The following NMNAT3 variants were observed in gnomAD, a reference collection of about 807,000 sequenced individuals.
The protein encoded by NMNAT3 is nicotinamide/nicotinic acid mononucleotide adenylyltransferase 3.
NMNAT3 carries 21 observed loss-of-function variants against 24.8 expected under a neutral mutation model. The observed-to-expected ratio is 0.85, with a 90% CI of 0.60 to 1.22. The LOEUF (loss-of-function observed/expected upper bound fraction) is 1.22, where lower values mean the gene tolerates loss of function less well. Among genes scored for constraint, NMNAT3 ranks in the 50% most tolerant of loss-of-function variants. NMNAT3 has a pLI of 0.00. For synonymous variants in NMNAT3, 136 were observed against 155.2 expected (o/e 0.88, Z 0.92); for missense variants, 387 against 436.6 (o/e 0.89, Z 1.01).
intron 1 of NMNAT3, among the ~76,000 whole-genome samples, chr3:139,659,585 TAAAC>T (rs1260818762): frequency 4.0e-5 from 6 of 151,750 alleles, no homozygotes; most frequent in African/African-American, 1.2e-4. Context: ...AGAAAAATAT[TAAAC>T]AAACATATAG....
At chr3:139,591,331 C>T (rs1449871529) in intron 3 of NMNAT3, among the ~76,000 whole-genome samples, 1 of 152,100 alleles carries the variant, frequency 6.6e-6, no homozygotes, top group Non-Finnish European at 1.5e-5. Flanking sequence ...CCCACGGAAT[C>T]GCGCTGATTG....
intron 3 of NMNAT3, among the ~76,000 whole-genome samples, chr3:139,606,473 C>T (rs539747416): frequency 6.6e-6 from 1 of 152,268 alleles, no homozygotes; most frequent in African/African-American, 2.4e-5. Flanking sequence ...AACTTTGATA[C>T]TTGGTTGAGT....
At chr3:139,662,678 C>T (rs2057453489) in intron 1 of NMNAT3, among the ~76,000 whole-genome samples, 1 of 152,132 alleles carries the variant, frequency 6.6e-6, no homozygotes, top group Admixed American at 6.5e-5. Flanking sequence ...GCCTCGCTGA[C>T]TCTAGGAGCA....
intron 6 of NMNAT3, among the ~76,000 whole-genome samples, chr3:139,573,065 C>G (rs549208635): frequency 6.6e-6 from 1 of 152,146 alleles, no homozygotes; most frequent in Non-Finnish European, 1.5e-5. Context: ...AAGGTTTTCT[C>G]GAACACCAGG....
chr3:139,655,957 C>A (rs1413574412), intron 1 of NMNAT3, among the ~76,000 whole-genome samples: 1 of 152,222 alleles, frequency 6.6e-6, no homozygotes, highest in African/African-American at 2.4e-5. Flanking sequence ...GGCTCTAAAT[C>A]TTGCTTTTTC....
At chr3:139,660,389 AAATG>A (rs1327059855) in intron 1 of NMNAT3, among the ~76,000 whole-genome samples, 1 of 152,238 alleles carries the variant, frequency 6.6e-6, no homozygotes, top group Non-Finnish European at 1.5e-5. Context: ...TACACAGTTA[AAATG>A]AATGTTTCCT....
chr3:139,596,916 G>GTATATATATATATATA (rs58824425), intron 3 of NMNAT3, among the ~76,000 whole-genome samples: 3 of 97,160 alleles, frequency 3.1e-5, no homozygotes, highest in Non-Finnish European at 6.2e-5. Flanking sequence ...TGTCATGTGT[G>GTATATATATATATATA]TATATATATA....
chr3:139,621,078 G>C (rs1440034425), intron 3 of NMNAT3, among the ~76,000 whole-genome samples: 1 of 152,004 alleles, frequency 6.6e-6, no homozygotes, highest in African/African-American at 2.4e-5. Context: ...CCATGCAATT[G>C]GCCATATTTA....
chr3:139,583,563 A>G, intron 3 of NMNAT3: 1 of 733,280 alleles, frequency 1.4e-6, no homozygotes, highest in Non-Finnish European at 2.5e-6. Context: ...TCTTCACTTC[A>G]TTTGAGAAAT....
chr3:139,602,612 T>C (rs904193689), intron 3 of NMNAT3, among the ~76,000 whole-genome samples: 2 of 152,244 alleles, frequency 1.3e-5, no homozygotes, highest in African/African-American at 2.4e-5. Context: ...TCTTATGTGC[T>C]AGTGGAGAAC....
At position 139,627,695 on chromosome 3, in the gene NMNAT3, C is replaced by T; in HGVS notation, c.30G>A (p.Leu10=). The change falls in exon 3 of 7, where the codon CTG becomes CTA. Residue 10 remains leucine (L), a synonymous_variant. Coordinates refer to ENST00000643695, the MANE Select transcript of NMNAT3 (RefSeq NM_001320510.2). ...TGATGGGGTTAAAGGAGCCACAGGC[C>T]AGGAGCACCACAGGTATTCGGCTCT... is the stretch of plus-strand genomic sequence containing the variant. 2 of 1,596,048 alleles carry T rather than the reference C, an allele frequency of 1.3e-6. No individual in the cohort carries two copies. The highest frequency in any genetic ancestry group is 2.2e-5 in the East Asian group (1 of 44,756).
At chr3:139,660,538 T>C (rs1553762930) in intron 1 of NMNAT3, among the ~76,000 whole-genome samples, 1 of 152,198 alleles carries the variant, frequency 6.6e-6, no homozygotes, top group Non-Finnish European at 1.5e-5. Context: ...GGTCACCTGT[T>C]ATGCGTTCAT....
intron 3 of NMNAT3, among the ~76,000 whole-genome samples, chr3:139,622,762 C>G (rs1200667051): frequency 3.0e-5 from 4 of 133,102 alleles, no homozygotes; most frequent in African/African-American, 1.1e-4. Flanking sequence ...GTATATATAT[C>G]ATATATATCA....
intron 2 of NMNAT3, chr3:139,634,867 T>C (rs868067489): frequency 4.9e-4 from 75 of 152,328 alleles, no homozygotes; most frequent in African/African-American, 1.5e-3. Context: ...TATTGAGTAA[T>C]AGGCTAGGCA....
chr3:139,631,955 T>C (rs2056317648), intron 2 of NMNAT3, among the ~76,000 whole-genome samples: 2 of 152,192 alleles, frequency 1.3e-5, no homozygotes, highest in South Asian at 2.1e-4. Context: ...TTTTATTTTT[T>C]ATTTGTTTTT....
chr3:139,642,633 C>A (rs1047643031), intron 1 of NMNAT3, among the ~76,000 whole-genome samples: 5 of 152,176 alleles, frequency 3.3e-5, no homozygotes, highest in African/African-American at 1.2e-4. Context: ...TCTTAACAGA[C>A]CCCTCTGGAC....
At chr3:139,664,540 C>T (rs2057516317) in intron 1 of NMNAT3, among the ~76,000 whole-genome samples, 3 of 152,194 alleles carry the variant, frequency 2.0e-5, no homozygotes, top group Non-Finnish European at 4.4e-5. Flanking sequence ...ATCTTCCCTA[C>T]CTTAAAGAAT....
At chr3:139,642,531 G>A (rs1212413454) in intron 1 of NMNAT3, among the ~76,000 whole-genome samples, 1 of 152,176 alleles carries the variant, frequency 6.6e-6, no homozygotes, top group Non-Finnish European at 1.5e-5. Flanking sequence ...CGCTGCCCTG[G>A]GAACTTTTCA....
chr3:139,602,665 C>A (rs940438574), intron 3 of NMNAT3, among the ~76,000 whole-genome samples: 23 of 152,214 alleles, frequency 1.5e-4, no homozygotes, highest in Admixed American at 6.5e-5. Flanking sequence ...TCCTTTCAGT[C>A]ATCCAAGGTT....
Sources: gnomAD v4.1 joint callset for allele counts (sites outside exome capture counted in the v4.1 genomes callset) on GRCh38, gnomAD v4.1.1 for gene constraint, MANE v1.5 for transcripts, NCBI Gene and HGNC (gene_info 2026-07-23, HGNC 2026-07-21) for gene names.